Variants in PDE1A observed in about 807,000 individuals in gnomAD.
PDE1A encodes dual specificity calcium/calmodulin-dependent 3',5'-cyclic nucleotide phosphodiesterase 1A.
In PDE1A, 35 loss-of-function variants were observed where a neutral mutation model predicts 61.7. That is an observed-to-expected ratio of 0.57 (90% CI 0.43 to 0.75). The LOEUF (loss-of-function observed/expected upper bound fraction) is 0.75. PDE1A is among the 30% of genes least tolerant of loss of function. PDE1A has a pLI of 0.00. For missense variants in PDE1A, 597 were observed against 630.6 expected (o/e 0.95, Z 0.57); for synonymous variants, 232 against 213.2 (o/e 1.09, Z -0.77).
rs190546030 is a variant in PDE1A at position 182,361,750 on chromosome 2, G to A, written c.53+64828C>T. ...CACTTTAATAGGAAAATGTTTAAGA[G>A]CTACATCACACTTTTTTCGCACTTT... is the stretch of plus-strand genomic sequence containing the variant. On this transcript the variant is annotated intron_variant, in intron 1 of 13. Coordinates refer to ENST00000351439, the Ensembl canonical transcript of PDE1A. 4.7e-4 allele frequency among the ~76,000 whole-genome samples: 72 copies of A among 152,120 alleles called. 1 individual carries two copies. The East Asian group carries it at 6.4e-3, about 13-fold the overall frequency.
At chr2:182,360,471 T>C (rs1021316010) in intron 1 of PDE1A, among the ~76,000 whole-genome samples, 2 of 150,928 alleles carry the variant, frequency 1.3e-5, no homozygotes, top group Non-Finnish European at 2.9e-5. Flanking sequence ...AGACCAAACA[T>C]AGGGATAGAA....
At chr2:182,300,187 G>A (rs1181167037) in intron 1 of PDE1A, among the ~76,000 whole-genome samples, 1 of 152,172 alleles carries the variant, frequency 6.6e-6, no homozygotes, top group African/African-American at 2.4e-5. Context: ...ACTATTCACT[G>A]ATCTGTTCAT....
At chr2:182,440,788 G>T (rs1684736906) in intron 2 of PDE1A, among the ~76,000 whole-genome samples, 1 of 115,974 alleles carries the variant, frequency 8.6e-6, no homozygotes, top group Non-Finnish European at 1.8e-5. Context: ...AATTTTCATG[G>T]GTTTTTTTTT....
the PDE1A span, among the ~76,000 whole-genome samples, chr2:182,638,096 TTAA>T: frequency 6.6e-6 from 1 of 152,238 alleles, no homozygotes. Flanking sequence ...AATCTCTTAA[TTAA>T]TAATATTGTA....
chr2:182,471,919 T>G (rs1431915747), intron 2 of PDE1A, among the ~76,000 whole-genome samples: 1 of 151,826 alleles, frequency 6.6e-6, no homozygotes, highest in Non-Finnish European at 1.5e-5. Flanking sequence ...ATAGACTATA[T>G]TTTTAAAGAA....
upstream of PDE1A, among the ~76,000 whole-genome samples, chr2:182,431,121 TA>T (rs538631665): frequency 0.34 from 40,890 of 121,212 alleles, 6,892 homozygotes; most frequent in East Asian, 0.56. Flanking sequence ...AAAAAAACAT[TA>T]AAAAAAAAAA....
At chr2:182,585,730 C>T in the PDE1A span, among the ~76,000 whole-genome samples, 1 of 152,100 alleles carries the variant, frequency 6.6e-6, no homozygotes, top group Non-Finnish European at 1.5e-5. Context: ...TCGTTGGTGG[C>T]AAAAATAATT....
In PDE1A at chr2:182,516,828, A is replaced by AG. The variant is rs1297364890; in HGVS notation, c.101+5447dup. On this transcript the variant is annotated intron_variant, in intron 2 of 14. Transcript: ENST00000410103. The stretch of plus-strand genomic sequence containing the variant: ...GGAAGGAAGGAAAGGAAGGGAAGGA[A>AG]GGAAGGGAGGGAGGGAGGGAGGGAG... Among the ~76,000 whole-genome samples the AG allele has an allele frequency of 9.4e-3, 466 of 49,408 alleles. 1 individual carries two copies. Among genetic ancestry groups the AG allele is most frequent in the African/African-American group, 0.031 (429 of 13,868 alleles). The allele number at this position is 49,408 out of a possible 152,430, so 32.4% of individuals were successfully genotyped here.
At chr2:182,339,710 A>T (rs1432739534) in intron 1 of PDE1A, among the ~76,000 whole-genome samples, 1 of 152,152 alleles carries the variant, frequency 6.6e-6, no homozygotes, top group East Asian at 1.9e-4. Flanking sequence ...TAAATATTCT[A>T]CTTCCATCTA....
chr2:182,219,064 A>G (rs1003961747), intron 7 of PDE1A, among the ~76,000 whole-genome samples: 3 of 152,112 alleles, frequency 2.0e-5, no homozygotes, highest in African/African-American at 7.2e-5. Flanking sequence ...GGGGATGATG[A>G]AAATCATTTG....
Position 182,427,008 on chromosome 2 carries a change from C to CCTTCCACAT in PDE1A, c.-387_-379dup, listed in dbSNP as rs1559452795. The stretch of plus-strand genomic sequence containing the variant: ...AAGTTATTGCAGCCATGAGAGCTCT[C>CCTTCCACAT]CTTCCACATGCTGGTCAAGCTCCGA... On this transcript the variant is annotated 5_prime_UTR_variant, in exon 1 of 14. In the 5' UTR this introduces an upstream ATG that the reference lacks. Transcript: ENST00000351439. 1.0e-5 allele frequency: 10 copies of CCTTCCACAT among 1,001,280 alleles called. No homozygotes were observed. Among genetic ancestry groups the CCTTCCACAT allele is most frequent in the Middle Eastern group, 5.0e-4 (1 of 2,000 alleles). 62.0% of individuals were successfully genotyped at this position (1,001,280 alleles called of 1,614,324 possible). A position where few individuals can be genotyped will look rare whatever the true frequency, so the allele number is the denominator to read the frequency against.
rs1559193267 is a variant in PDE1A, at chr2:182,212,202, A to ATATATT, written c.777-6138_777-6137insAATATA. 1.7e-4 allele frequency among the ~76,000 whole-genome samples: 26 copies of ATATATT among 150,488 alleles called. 1 individual carries two copies. The highest frequency in any genetic ancestry group is 1.7e-3 in the Admixed American group (26 of 15,086). ...TTTTAATTGACAATTAAAATTATAT[A>ATATATT]TATTACGTACGAGATAATGTCTTGA... On this transcript the variant is annotated intron_variant, in intron 7 of 13. Coordinates refer to ENST00000351439, the Ensembl canonical transcript of PDE1A.
the PDE1A span, among the ~76,000 whole-genome samples, chr2:182,623,360 C>T: frequency 9.9e-5 from 15 of 152,208 alleles, no homozygotes; most frequent in Admixed American, 9.8e-4. Context: ...ATTTCAGGCA[C>T]AAGGAGTCTC....
At chr2:182,223,729 A>C in intron 7 of PDE1A, 135 bp downstream of exon 7, 1 of 534,556 alleles carries the variant, frequency 1.9e-6, no homozygotes, top group Non-Finnish European at 3.3e-6. Flanking sequence ...TAGCAGCTTA[A>C]GAAATTTTGC....
At position 182,329,349 on chromosome 2, in the gene PDE1A, C is replaced by A. The variant is rs1456554487; in HGVS notation, c.54-64935G>T. ...TATCCATATATTCATAAAGTTGAAT[C>A]TCTGGCTGCCTTGAGATTTATACTC... On this transcript the variant is annotated intron_variant, in intron 1 of 13. Transcript: ENST00000351439. 1.7e-4 allele frequency among the ~76,000 whole-genome samples: 26 copies of A among 152,044 alleles called. 2 individuals carry two copies. The highest frequency in any genetic ancestry group is 1.7e-3 in the Admixed American group (26 of 15,246).
At chr2:182,189,141 A>AGGCCGGGCGCGGTGGCTC in intron 10 of PDE1A, 81 bp from the exon 11 acceptor site, 1 of 764,664 alleles carries the variant, frequency 1.3e-6, no homozygotes, top group Non-Finnish European at 2.1e-6. Context: ...AAAGCCTAGA[A>AGGCCGGGCGCGGTGGCTC]AAGCCACATC....
At chr2:182,214,071 C>T (rs1437469926) in intron 7 of PDE1A, among the ~76,000 whole-genome samples, 72 of 148,812 alleles carry the variant, frequency 4.8e-4, no homozygotes, top group African/African-American at 9.9e-4. Flanking sequence ...GCGGATCTCT[C>T]GGCAGAAACC....
intron 2 of PDE1A, among the ~76,000 whole-genome samples, chr2:182,519,483 T>C (rs1690426544): frequency 6.6e-6 from 1 of 151,884 alleles, no homozygotes; most frequent in South Asian, 2.1e-4. Context: ...GAAGTCTACA[T>C]CAGAATGGGA....
chr2:182,510,271 T>G (rs984327781), intron 2 of PDE1A, among the ~76,000 whole-genome samples: 1 of 152,214 alleles, frequency 6.6e-6, no homozygotes, highest in African/African-American at 2.4e-5. Context: ...TGAGCTATCA[T>G]CATTGTTATG....
Sources: allele counts gnomAD v4.1 joint callset (sites outside exome capture counted in the v4.1 genomes callset), GRCh38; gene constraint gnomAD v4.1.1; transcripts MANE v1.5; gene names NCBI Gene and HGNC (gene_info 2026-07-23, HGNC 2026-07-21).